CRB1: variants seen among roughly 807,000 people sequenced by gnomAD.
CRB1 encodes crumbs cell polarity complex component 1.
In CRB1, 83 loss-of-function variants were observed where a neutral mutation model predicts 120.0. That is an observed-to-expected ratio of 0.69 (90% CI 0.58 to 0.83). CRB1 has a LOEUF of 0.83. Among genes scored for constraint, CRB1 ranks in the 40% least tolerant of loss-of-function variants. The pLI is 0.00. For synonymous variants in CRB1, 625 were observed against 612.5 expected, an observed-to-expected ratio of 1.02 and a Z score of -0.30; for missense variants, 1,699 against 1,687.6, an observed-to-expected ratio of 1.01 and a Z score of -0.12.
chr1:197,228,874 C>T, the CRB1 span, among the ~76,000 whole-genome samples: 1 of 152,118 alleles, frequency 6.6e-6, no homozygotes, highest in Non-Finnish European at 1.5e-5. Flanking sequence ...GCACTTTTTA[C>T]GTGGTGGCAG....
At chr1:197,383,139 T>C (rs1662041763) in intron 5 of CRB1, among the ~76,000 whole-genome samples, 1 of 152,134 alleles carries the variant, frequency 6.6e-6, no homozygotes, top group African/African-American at 2.4e-5. Context: ...GGCCCTCCTG[T>C]GCTATTTTCT....
At chr1:197,349,858 T>C (rs923879375) in intron 4 of CRB1, among the ~76,000 whole-genome samples, 1 of 151,876 alleles carries the variant, frequency 6.6e-6, no homozygotes, top group Non-Finnish European at 1.5e-5. Flanking sequence ...CCCAGCACTT[T>C]GGGAGGCCGA....
chr1:197,201,917 G>A, the CRB1 span, among the ~76,000 whole-genome samples: 1 of 152,164 alleles, frequency 6.6e-6, no homozygotes, highest in African/African-American at 2.4e-5. Context: ...AAAGCTGGTA[G>A]GACAGGAAAG....
At chr1:197,258,131 C>T in the CRB1 span, among the ~76,000 whole-genome samples, 1 of 152,118 alleles carries the variant, frequency 6.6e-6, no homozygotes, top group African/African-American at 2.4e-5. Context: ...ACTATAGTTG[C>T]TAACAATTTA....
At chr1:197,453,881 A>G (rs974213013) in intron 11 of CRB1, among the ~76,000 whole-genome samples, 2 of 140,690 alleles carry the variant, frequency 1.4e-5, no homozygotes, top group African/African-American at 2.6e-5. Flanking sequence ...TTAATAATAT[A>G]TATTATTAAT....
chr1:197,254,103 T>A, the CRB1 span, among the ~76,000 whole-genome samples: 1 of 152,072 alleles, frequency 6.6e-6, no homozygotes, highest in South Asian at 2.1e-4. Flanking sequence ...ACGGAGAGGC[T>A]AGATACATTT....
intron 6 of CRB1, among the ~76,000 whole-genome samples, chr1:197,426,880 T>C (rs1405104257): frequency 6.6e-6 from 1 of 152,194 alleles, no homozygotes; most frequent in African/African-American, 2.4e-5. Context: ...TTAGAAAGGT[T>C]ATGTAACTAG....
At chr1:197,394,536 T>C (rs1365247897) in intron 5 of CRB1, among the ~76,000 whole-genome samples, 2 of 152,066 alleles carry the variant, frequency 1.3e-5, no homozygotes, top group African/African-American at 4.8e-5. Flanking sequence ...ATTGTAAAAC[T>C]ACCTACATTC....
chr1:197,207,516 T>C, the CRB1 span, among the ~76,000 whole-genome samples: 20 of 152,170 alleles, frequency 1.3e-4, no homozygotes, highest in Non-Finnish European at 2.8e-4. Flanking sequence ...CTGATAATTA[T>C]TTTGTTTAAG....
At chr1:197,241,775 G>T in the CRB1 span, among the ~76,000 whole-genome samples, 1 of 149,710 alleles carries the variant, frequency 6.7e-6, no homozygotes, top group Non-Finnish European at 1.5e-5. Flanking sequence ...TCTATGCATT[G>T]CTTTGGACAG....
intron 4 of CRB1, among the ~76,000 whole-genome samples, chr1:197,352,099 GC>G (rs1433000557): frequency 6.6e-6 from 1 of 152,164 alleles, no homozygotes; most frequent in Admixed American, 6.5e-5. Context: ...ATTTCCTGAT[GC>G]CCAGATGTGA....
intron 3 of CRB1, 95 bp from the exon 4 acceptor site, chr1:197,347,245 G>A: frequency 2.7e-6 from 3 of 1,094,510 alleles, no homozygotes; most frequent in Non-Finnish European, 4.2e-6. Context: ...ATGATGCCAT[G>A]GGTCTTGGGT....
the CRB1 span, among the ~76,000 whole-genome samples, chr1:197,230,188 C>T: frequency 6.6e-6 from 1 of 152,076 alleles, no homozygotes. Context: ...TGTTTTTGGC[C>T]TTACAATATT....
intron 5 of CRB1, among the ~76,000 whole-genome samples, chr1:197,359,929 A>G (rs1660687455): frequency 6.6e-6 from 1 of 151,918 alleles, no homozygotes; most frequent in African/African-American, 2.4e-5. Flanking sequence ...TTTTTTGCCT[A>G]TTTCCTAGTT....
intron 1 of CRB1, among the ~76,000 whole-genome samples, chr1:197,328,201 C>T (rs1048255085): frequency 2.0e-5 from 3 of 152,150 alleles, no homozygotes; most frequent in African/African-American, 7.2e-5. Flanking sequence ...AAGTCTTGCT[C>T]TGAAGGTATT....
the CRB1 span, among the ~76,000 whole-genome samples, chr1:197,243,890 G>T: frequency 6.6e-6 from 1 of 152,204 alleles, no homozygotes; most frequent in East Asian, 1.9e-4. Flanking sequence ...AGGATAGTTA[G>T]CTCTTCTTGT....
chr1:197,404,096 C>A (rs1206322618), intron 5 of CRB1, among the ~76,000 whole-genome samples: 1 of 152,080 alleles, frequency 6.6e-6, no homozygotes, highest in Non-Finnish European at 1.5e-5. Flanking sequence ...GTTGCTTTTG[C>A]CTTGTTTTGT....
At chr1:197,211,651 G>C in the CRB1 span, among the ~76,000 whole-genome samples, 958 of 152,200 alleles carry the variant, frequency 6.3e-3, 13 homozygotes, top group African/African-American at 0.022. Context: ...CCACCACAAA[G>C]GGGATTAGGT....
At chr1:197,385,412 A>T (rs1297962175) in intron 5 of CRB1, among the ~76,000 whole-genome samples, 2 of 152,116 alleles carry the variant, frequency 1.3e-5, no homozygotes, top group African/African-American at 4.8e-5. Context: ...TCTAATATGT[A>T]AGAATATATG....
Sources: gnomAD v4.1 joint callset for allele counts (sites outside exome capture counted in the v4.1 genomes callset) on GRCh38, gnomAD v4.1.1 for gene constraint, MANE v1.5 for transcripts, NCBI Gene and HGNC (gene_info 2026-07-23, HGNC 2026-07-21) for gene names.